SDC2: variants seen among roughly 807,000 people sequenced by gnomAD.
SDC2 encodes the protein syndecan 2.
Under a neutral mutation model 22.2 loss-of-function variants are expected in SDC2, and 13 were observed. The ratio of observed to expected loss-of-function variants is 0.59; its 90% CI spans 0.38 to 0.93. The LOEUF is 0.93. Ranked by LOEUF, SDC2 falls within the 40% of genes least tolerant of loss-of-function variation. The probability of loss-of-function intolerance (pLI) is 0.00; values close to 1 mark genes in which losing one functional copy is unlikely to be tolerated. For synonymous variants in SDC2, 94 were observed against 92.8 expected (o/e 1.01, Z -0.07); for missense variants, 235 against 246.8 (o/e 0.95, Z 0.32).
At chr8:96,542,353 G>A (rs1438578401) in intron 1 of SDC2, among the ~76,000 whole-genome samples, 1 of 152,084 alleles carries the variant, frequency 6.6e-6, no homozygotes, top group Non-Finnish European at 1.5e-5. Flanking sequence ...GAAGATGTGG[G>A]CTATGCACTT....
At chr8:96,554,094 T>C (rs1390374806) in intron 1 of SDC2, among the ~76,000 whole-genome samples, 1 of 152,198 alleles carries the variant, frequency 6.6e-6, no homozygotes, top group Non-Finnish European at 1.5e-5. Context: ...CCCGGCCTAA[T>C]TTTATATAAA....
At chr8:96,530,777 A>C (rs528794190) in intron 1 of SDC2, among the ~76,000 whole-genome samples, 1 of 152,264 alleles carries the variant, frequency 6.6e-6, no homozygotes, top group African/African-American at 2.4e-5. Flanking sequence ...TATATTGTTT[A>C]TAAAGCACTG....
chr8:96,549,192 C>T (rs1019419129), intron 1 of SDC2, among the ~76,000 whole-genome samples: 11 of 152,218 alleles, frequency 7.2e-5, no homozygotes, highest in African/African-American at 2.7e-4. Context: ...TTAAGGAAAG[C>T]ATGTTATTTA....
intron 1 of SDC2, among the ~76,000 whole-genome samples, chr8:96,561,454 T>A (rs2582846): frequency 0.63 from 95,747 of 152,060 alleles, 33,680 homozygotes; most frequent in Non-Finnish European, 0.81. Flanking sequence ...AGAGCGCTTG[T>A]ATAAACAAGC....
At chr8:96,505,604 A>C (rs1813227206) in intron 1 of SDC2, among the ~76,000 whole-genome samples, 1 of 152,048 alleles carries the variant, frequency 6.6e-6, no homozygotes, top group African/African-American at 2.4e-5. Flanking sequence ...CCGGCCTGGA[A>C]CCCTACATTT....
intron 1 of SDC2, among the ~76,000 whole-genome samples, chr8:96,532,697 G>A (rs1813684528): frequency 6.6e-6 from 1 of 151,914 alleles, no homozygotes; most frequent in African/African-American, 2.4e-5. Context: ...AAGAGCAAGA[G>A]CTGTGAACTC....
chr8:96,511,776 A>G lies in SDC2; in HGVS notation c.60+17445A>G, dbSNP rs1046977536. Among the ~76,000 whole-genome samples, 12 of 150,754 alleles carry G rather than the reference A, an allele frequency of 8.0e-5. No individual in the cohort carries two copies. In the South Asian group the frequency reaches 1.5e-3, roughly 18 times the overall value. On this transcript the variant is annotated intron_variant, in intron 1 of 4. Transcript: ENST00000302190. ...TCTGTTTTCAGATCTGGCTGCATCA[A>G]GAGGCTTATGTGATTTTTTTTTTTT...
intron 1 of SDC2, among the ~76,000 whole-genome samples, chr8:96,517,801 G>GTGTA (rs1442189943): frequency 9.7e-6 from 1 of 103,292 alleles, no homozygotes; most frequent in African/African-American, 3.1e-5. Flanking sequence ...GTGTGTGTGT[G>GTGTA]TATATATATA....
At chr8:96,568,051 T>C (rs1814330326) in intron 1 of SDC2, among the ~76,000 whole-genome samples, 1 of 152,266 alleles carries the variant, frequency 6.6e-6, no homozygotes, top group Admixed American at 6.5e-5. Flanking sequence ...CCCTAGTGTA[T>C]GGCAGTAAAA....
At chr8:96,515,448 C>A (rs1276682113) in intron 1 of SDC2, among the ~76,000 whole-genome samples, 1 of 151,952 alleles carries the variant, frequency 6.6e-6, no homozygotes, top group East Asian at 1.9e-4. Context: ...GGAGGTTGCT[C>A]TTGATATGGG....
intron 1 of SDC2, among the ~76,000 whole-genome samples, chr8:96,536,290 A>G (rs1813753693): frequency 6.6e-6 from 1 of 152,076 alleles, no homozygotes; most frequent in Non-Finnish European, 1.5e-5. Context: ...TGATTCAGGA[A>G]TATTTCTTGA....
chr8:96,533,837 G>T (rs975845990), intron 1 of SDC2, among the ~76,000 whole-genome samples: 1 of 152,224 alleles, frequency 6.6e-6, no homozygotes, highest in Non-Finnish European at 1.5e-5. Context: ...GTCCTGCTCG[G>T]TGTGCCCGCA....
intron 2 of SDC2, among the ~76,000 whole-genome samples, chr8:96,595,355 C>T (rs1814854817): frequency 6.6e-6 from 1 of 152,092 alleles, no homozygotes; most frequent in South Asian, 2.1e-4. Flanking sequence ...GGTTGCTGAC[C>T]TAGTAACAAT....
chr8:96,494,410 G>A, intron 1 of SDC2, 79 bp downstream of exon 1: 1 of 1,385,210 alleles, frequency 7.2e-7, no homozygotes, highest in Non-Finnish European at 9.7e-7. Flanking sequence ...GAATAGGGGA[G>A]CGCCACCTGG....
In SDC2 at chr8:96,494,258, G is replaced by T. The variant is rs1385140641; in HGVS notation, c.-14G>T. On this transcript the variant is annotated 5_prime_UTR_variant, in exon 1 of 5. Transcript: ENST00000302190. ...TTGCAAGCAGCGGCTGGGAGCAGCC[G>T]GTCCCTGGGGAATATGCGGCGCGCG... 1 of 1,543,680 alleles carries T rather than the reference G, an allele frequency of 6.5e-7. No individual in the cohort carries two copies. The highest frequency in any genetic ancestry group is 8.7e-7 in the Non-Finnish European group (1 of 1,147,800).
rs147633338 is a variant in SDC2, at chr8:96,547,069, C to T, written c.61-46411C>T. ...TTGGGTGTGACAATTTTTTAAAAGC[C>T]ATCATGCTAGAATGAAAATGAGCCA... On this transcript the variant is annotated intron_variant, in intron 1 of 4. Transcript: ENST00000302190. Among the ~76,000 whole-genome samples, 279 of 152,266 alleles carry T rather than the reference C, an allele frequency of 1.8e-3. 1 individual carries two copies. Among genetic ancestry groups the T allele is most frequent in the African/African-American group, 6.5e-3 (269 of 41,558 alleles).
intron 1 of SDC2, among the ~76,000 whole-genome samples, chr8:96,540,355 TAA>T (rs1563654285): frequency 6.8e-5 from 10 of 147,150 alleles, no homozygotes; most frequent in Admixed American, 1.4e-4. Flanking sequence ...TATATATATA[TAA>T]AAATTAGTCG....
intron 1 of SDC2, among the ~76,000 whole-genome samples, chr8:96,578,583 A>G (rs1814541069): frequency 2.0e-5 from 3 of 152,182 alleles, no homozygotes; most frequent in Admixed American, 6.5e-5. Context: ...CAATTTTACA[A>G]TGGAAGAGAT....
chr8:96,583,392 A>ATGTG (rs71267269), intron 1 of SDC2, among the ~76,000 whole-genome samples: 2,606 of 102,212 alleles, frequency 0.025, 42 homozygotes, highest in African/African-American at 0.081. Context: ...TATATGACAT[A>ATGTG]TGTGTGTGTG....
Sources: gnomAD v4.1 joint callset for allele counts (sites outside exome capture counted in the v4.1 genomes callset) on GRCh38, gnomAD v4.1.1 for gene constraint, MANE v1.5 for transcripts, NCBI Gene and HGNC (gene_info 2026-07-23, HGNC 2026-07-21) for gene names.